SKA1: variants seen among roughly 807,000 people sequenced by gnomAD.
SKA1 encodes the protein spindle and kinetochore associated complex subunit 1.
SKA1 carries 20 observed loss-of-function variants against 31.8 expected under a neutral mutation model. That is an observed-to-expected ratio of 0.63 (90% CI 0.44 to 0.91). The LOEUF is 0.91. Among genes scored for constraint, SKA1 ranks in the 40% least tolerant of loss-of-function variants. SKA1 has a pLI of 0.00. For missense variants in SKA1, 253 were observed against 298.2 expected (o/e 0.85, Z 1.12); for synonymous variants, 88 against 100.5 (o/e 0.88, Z 0.74).
chr18:50,375,804 A>C lies in SKA1; in HGVS notation c.-11-16A>C. On this transcript the variant is annotated splice_polypyrimidine_tract_variant and intron_variant, in intron 1 of 6. Transcript: ENST00000285116. ...GGCTTTTCTTGTTACGAATATGTTT[A>C]TGTTTTTTTCTTCAGAGGCTTAAAG... The C allele has an allele frequency of 1.3e-6, 2 of 1,483,554 alleles. No individual in the cohort carries two copies. Among genetic ancestry groups the C allele is most frequent in the Non-Finnish European group, 1.8e-6 (2 of 1,088,102 alleles). 91.9% of individuals were successfully genotyped at this position (1,483,554 alleles called of 1,614,324 possible).
At chr18:50,376,411 T>C (rs2041215928) in intron 2 of SKA1, among the ~76,000 whole-genome samples, 1 of 152,232 alleles carries the variant, frequency 6.6e-6, no homozygotes, top group African/African-American at 2.4e-5. Context: ...GTGACTGTAC[T>C]GAATACCTTA....
At chr18:50,382,416 A>G (rs1056215072) in intron 4 of SKA1, among the ~76,000 whole-genome samples, 190 bp downstream of exon 4, 6 of 152,076 alleles carry the variant, frequency 3.9e-5, no homozygotes, top group Admixed American at 2.0e-4. Flanking sequence ...GGAAAATCTA[A>G]CACTTCTTTC....
At chr18:50,376,040 C>T in intron 2 of SKA1, 122 bp downstream of exon 2, 1 of 582,482 alleles carries the variant, frequency 1.7e-6, no homozygotes, top group Non-Finnish European at 2.9e-6. Context: ...TTTTGCATAA[C>T]GATTTTTTAA....
intron 6 of SKA1, among the ~76,000 whole-genome samples, chr18:50,391,618 A>G (rs1388623564): frequency 6.6e-6 from 1 of 152,184 alleles, no homozygotes; most frequent in Non-Finnish European, 1.5e-5. Context: ...CTATTGTGAA[A>G]CTATGCCCAA....
intron 2 of SKA1, among the ~76,000 whole-genome samples, 175 bp downstream of exon 2, chr18:50,376,093 T>C (rs2041213153): frequency 6.6e-6 from 1 of 152,218 alleles, no homozygotes; most frequent in African/African-American, 2.4e-5. Context: ...ATACTAAAAA[T>C]GTAAGGTACA....
At chr18:50,384,423 A>G (rs16951833) in intron 4 of SKA1, among the ~76,000 whole-genome samples, 1 of 152,050 alleles carries the variant, frequency 6.6e-6, no homozygotes, top group South Asian at 2.1e-4. Flanking sequence ...CTTTGTTGCT[A>G]GTGGGACAGG....
At chr18:50,392,015 C>A in intron 6 of SKA1, 84 bp from the exon 7 acceptor site, 1 of 1,032,648 alleles carries the variant, frequency 9.7e-7, no homozygotes, top group Non-Finnish European at 1.4e-6. Flanking sequence ...ACGACTAATA[C>A]CATTCATATT....
At chr18:50,381,733 T>C (rs936436738) in intron 3 of SKA1, among the ~76,000 whole-genome samples, 3 of 149,992 alleles carry the variant, frequency 2.0e-5, no homozygotes, top group Admixed American at 1.3e-4. Context: ...GTTTTTTTTT[T>C]TTTTTTTTTT....
In SKA1 at chr18:50,375,282, G is replaced by A. The variant is rs560724608; in HGVS notation, c.-12+88G>A. On this transcript the variant is annotated intron_variant, in intron 1 of 6. Coordinates refer to ENST00000285116, the MANE Select transcript of SKA1 (RefSeq NM_145060.4). ...GGGGGCCGCGGACCGCGCCGGGCTT[G>A]GGGGAGGACGGGGCTGGAGGCTGGG... is the stretch of plus-strand genomic sequence containing the variant. 564 of 152,658 alleles carry A rather than the reference G, an allele frequency of 3.7e-3. 3 individuals are homozygous for A. The highest frequency in any genetic ancestry group is 0.013 in the African/African-American group (551 of 41,596). 9.5% of individuals were successfully genotyped at this position (152,658 alleles called of 1,614,324 possible).
In SKA1 at chr18:50,391,249, A is replaced by G. The variant is rs1413138389; in HGVS notation, c.575A>G (p.Asn192Ser). ...AAGTCTATGAATTCTGTGACCAGAA[A>G]TCTCTATCACAGATTTATTGATGAA... ...PKKSMNSVTRNLYHRFIDEET... is the reference protein window; with the variant it reads ...PKKSMNSVTRSLYHRFIDEET... Residue 192 changes from asparagine (N) to serine (S), a missense_variant, in exon 6 of 7, where the codon AAT becomes AGT. Physicochemically the swap from Asn to Ser is conservative, Grantham distance 46. Coordinates refer to ENST00000285116, the MANE Select transcript of SKA1 (RefSeq NM_145060.4). 2 of 1,605,314 alleles carry G rather than the reference A, an allele frequency of 1.2e-6. No individual in the cohort carries two copies. The highest frequency in any genetic ancestry group is 3.5e-5 in the Admixed American group (2 of 57,572).
rs1454437505 is a variant in SKA1, at chr18:50,375,830, G to A, written c.-1G>A. The A allele has an allele frequency of 1.3e-6, 2 of 1,596,122 alleles. No individual in the cohort carries two copies. The highest frequency in any genetic ancestry group is 1.7e-6 in the Non-Finnish European group (2 of 1,171,882). On this transcript the variant is annotated 5_prime_UTR_variant, in exon 2 of 7. Transcript: ENST00000285116. ...TGTTTTTTTCTTCAGAGGCTTAAAG[G>A]ATGGCCTCGTCAGATCTGGAACAAT...
chr18:50,391,931 A>T (rs570184932), intron 6 of SKA1, among the ~76,000 whole-genome samples, 168 bp from the exon 7 acceptor site: 1 of 152,336 alleles, frequency 6.6e-6, no homozygotes, highest in South Asian at 2.1e-4. Flanking sequence ...CATGCATGCA[A>T]CTTCTGTTGA....
intron 4 of SKA1, among the ~76,000 whole-genome samples, chr18:50,384,870 T>TAAAAAAAAAAAAAAAAAAAAAA (rs1568329774): frequency 3.3e-5 from 2 of 61,306 alleles, no homozygotes; most frequent in African/African-American, 7.6e-5. Context: ...AAAAAAAAAA[T>TAAAAAAAAAAAAAAAAAAAAAA]TAAAAAAAAA....
chr18:50,378,584 A>G (rs1331204032), intron 2 of SKA1, among the ~76,000 whole-genome samples: 1 of 150,912 alleles, frequency 6.6e-6, no homozygotes, highest in Non-Finnish European at 1.5e-5. Context: ...CTGAGGCAGG[A>G]GGATTGCTTG....
At chr18:50,376,758 A>T (rs2041219306) in intron 2 of SKA1, among the ~76,000 whole-genome samples, 1 of 152,156 alleles carries the variant, frequency 6.6e-6, no homozygotes, top group Non-Finnish European at 1.5e-5. Context: ...CTTAAAACAA[A>T]TACATTGTAC....
At chr18:50,388,151 G>A (rs1568330715) in intron 5 of SKA1, among the ~76,000 whole-genome samples, 2 of 152,112 alleles carry the variant, frequency 1.3e-5, no homozygotes, top group Non-Finnish European at 1.5e-5. Flanking sequence ...GCATTGGCAC[G>A]ATCTCAGCTC....
chr18:50,380,709 A>G (rs763368850), intron 3 of SKA1, among the ~76,000 whole-genome samples: 1 of 152,224 alleles, frequency 6.6e-6, no homozygotes, highest in Admixed American at 6.5e-5. Flanking sequence ...CTATATTTCT[A>G]TATTTTTATA....
chr18:50,384,191 A>G (rs763945286), intron 4 of SKA1, among the ~76,000 whole-genome samples: 1 of 152,258 alleles, frequency 6.6e-6, no homozygotes, highest in Non-Finnish European at 1.5e-5. Context: ...TCTGTAATTT[A>G]CCATTCAGAT....
chr18:50,377,032 T>C (rs1599721852), intron 2 of SKA1, among the ~76,000 whole-genome samples: 1 of 99,514 alleles, frequency 1.0e-5, no homozygotes, highest in Non-Finnish European at 2.0e-5. Flanking sequence ...GAGGCTGTTT[T>C]ACAGTTAACT....
Sources: gnomAD v4.1 joint callset for allele counts (sites outside exome capture counted in the v4.1 genomes callset) on GRCh38, gnomAD v4.1.1 for gene constraint, MANE v1.5 for transcripts, NCBI Gene and HGNC (gene_info 2026-07-23, HGNC 2026-07-21) for gene names.